Variants in MDGA2 observed in about 807,000 individuals in gnomAD.
MDGA2 encodes MAM domain-containing glycosylphosphatidylinositol anchor protein 2.
A neutral mutation model predicts 117.8 loss-of-function variants in MDGA2; 40 were observed. That is an observed-to-expected ratio of 0.34 (90% CI 0.26 to 0.44). MDGA2 has a LOEUF of 0.44. Ranked by LOEUF, MDGA2 falls within the 20% of genes least tolerant of loss-of-function variation. The probability of loss-of-function intolerance (pLI) is 1.00; values close to 1 mark genes in which losing one functional copy is unlikely to be tolerated. For missense variants in MDGA2, 1,123 were observed against 1,250.6 expected (o/e 0.90, Z 1.54); for synonymous variants, 452 against 439.0 (o/e 1.03, Z -0.37).
chr14:47,293,993 A>C (rs1888976018), intron 2 of MDGA2, among the ~76,000 whole-genome samples: 1 of 152,162 alleles, frequency 6.6e-6, no homozygotes, highest in Non-Finnish European at 1.5e-5. Context: ...CTATGCTAAT[A>C]CATTTATTCA....
At chr14:47,287,384 T>G (rs10483582) in intron 2 of MDGA2, among the ~76,000 whole-genome samples, 13,870 of 152,212 alleles carry the variant, frequency 0.091, 780 homozygotes, top group Non-Finnish European at 0.11. Flanking sequence ...ACCAGTCATA[T>G]TTATCATGTT....
At chr14:47,170,852 T>C (rs1884096690) in intron 3 of MDGA2, among the ~76,000 whole-genome samples, 1 of 152,178 alleles carries the variant, frequency 6.6e-6, no homozygotes, top group Non-Finnish European at 1.5e-5. Context: ...GAAAGTTGGC[T>C]AACCTAAAGA....
At chr14:47,091,303 A>G (rs760555656) in intron 6 of MDGA2, among the ~76,000 whole-genome samples, 2 of 152,172 alleles carry the variant, frequency 1.3e-5, no homozygotes, top group Non-Finnish European at 2.9e-5. Flanking sequence ...AGGCTCCAAG[A>G]CTACATCACT....
chr14:47,231,682 G>A (rs1886695685), intron 2 of MDGA2, among the ~76,000 whole-genome samples: 1 of 150,966 alleles, frequency 6.6e-6, no homozygotes, highest in Admixed American at 6.6e-5. Flanking sequence ...CACTACCTGG[G>A]TTTCTTGGAA....
chr14:46,915,632 G>C (rs1158785741), intron 10 of MDGA2, among the ~76,000 whole-genome samples: 1 of 152,132 alleles, frequency 6.6e-6, no homozygotes, highest in African/African-American at 2.4e-5. Flanking sequence ...TGAGGAAGGA[G>C]AAAAGCATCA....
At chr14:47,378,479 G>C (rs1001524596) in intron 1 of MDGA2, among the ~76,000 whole-genome samples, 2 of 152,140 alleles carry the variant, frequency 1.3e-5, no homozygotes, top group African/African-American at 2.4e-5. Context: ...AAAAAGATTA[G>C]ATGAATGGCT....
rs113835354 is a variant in MDGA2, at chr14:47,184,273, A to C, written c.595+33748T>G. ...TGTATTAGTGGTCAATATTTCCTTG[A>C]AAGCTAGTCAAGATGTATTTATTCA... On this transcript the variant is annotated intron_variant, in intron 3 of 16. Transcript: ENST00000399232. 1.4e-3 allele frequency among the ~76,000 whole-genome samples: 206 copies of C among 152,064 alleles called. 2 individuals are homozygous for C. In the Middle Eastern group the frequency reaches 0.024, roughly 18 times the overall value.
intron 10 of MDGA2, among the ~76,000 whole-genome samples, chr14:46,903,039 GAGC>G (rs1883349941): frequency 6.6e-6 from 1 of 152,214 alleles, no homozygotes; most frequent in Non-Finnish European, 1.5e-5. Context: ...CAGCAGGGAG[GAGC>G]TGCGCCTCTT....
In MDGA2 at chr14:46,975,454, C is replaced by T. The variant is rs552768582; in HGVS notation, c.1820-17811G>A. On this transcript the variant is annotated intron_variant, in intron 8 of 16. Coordinates refer to ENST00000399232, the MANE Select transcript of MDGA2 (RefSeq NM_001113498.3). Reference sequence around the variant, plus strand: ...TGGGATCAAAGCAAGTATTCATCAACAGATGAATGGATAAGCAAAATGAGG... The same window carrying T: ...TGGGATCAAAGCAAGTATTCATCAATAGATGAATGGATAAGCAAAATGAGG... Among the ~76,000 whole-genome samples the T allele has an allele frequency of 2.6e-5, 4 of 152,184 alleles. No individual in the cohort carries two copies. In the South Asian group the frequency reaches 8.3e-4, roughly 31 times the overall value.
chr14:47,497,760 G>C (rs1347778649), intron 1 of MDGA2, among the ~76,000 whole-genome samples: 1 of 152,056 alleles, frequency 6.6e-6, no homozygotes, highest in East Asian at 1.9e-4. Context: ...AAACATATTA[G>C]TGTGTAATTA....
intron 1 of MDGA2, among the ~76,000 whole-genome samples, chr14:47,320,915 T>C (rs1488198885): frequency 6.6e-6 from 1 of 152,136 alleles, no homozygotes; most frequent in Non-Finnish European, 1.5e-5. Context: ...AAAAACATTG[T>C]ACCCCAGATT....
intron 1 of MDGA2, among the ~76,000 whole-genome samples, chr14:47,545,634 A>G (rs888042848): frequency 5.3e-5 from 8 of 152,192 alleles, no homozygotes; most frequent in Non-Finnish European, 7.4e-5. Flanking sequence ...TTTATTCCCT[A>G]AAACACATTT....
chr14:47,499,722 T>C (rs989481187), intron 1 of MDGA2, among the ~76,000 whole-genome samples: 4 of 152,068 alleles, frequency 2.6e-5, no homozygotes, highest in Admixed American at 6.6e-5. Context: ...TTTTGATGAG[T>C]TGTTGTACTT....
chr14:47,613,458 A>ATCTC (rs746974129), intron 1 of MDGA2, among the ~76,000 whole-genome samples: 26 of 146,424 alleles, frequency 1.8e-4, no homozygotes, highest in African/African-American at 5.9e-4. Context: ...TACTTCATTT[A>ATCTC]TCTCTCTCTC....
At chr14:47,455,670 T>C (rs186940127) in intron 1 of MDGA2, among the ~76,000 whole-genome samples, 5 of 152,236 alleles carry the variant, frequency 3.3e-5, no homozygotes, top group East Asian at 1.9e-4. Flanking sequence ...TCAATACTTA[T>C]GAGTGAATGT....
At chr14:46,860,603 A>G (rs1881468538) in intron 14 of MDGA2, among the ~76,000 whole-genome samples, 1 of 151,990 alleles carries the variant, frequency 6.6e-6, no homozygotes. Context: ...AGGGTAAGAA[A>G]GAATCTCAAA....
chr14:47,664,183 A>C (rs561939354), intron 1 of MDGA2, among the ~76,000 whole-genome samples: 3 of 152,196 alleles, frequency 2.0e-5, no homozygotes, highest in Non-Finnish European at 2.9e-5. Context: ...ATACAATATC[A>C]AATTGCATTT....
chr14:47,503,558 C>T (rs935571485), intron 1 of MDGA2, among the ~76,000 whole-genome samples: 16 of 151,876 alleles, frequency 1.1e-4, no homozygotes, highest in African/African-American at 3.9e-4. Flanking sequence ...GCACCCGCCA[C>T]CACGCCCAGC....
At chr14:47,296,416 A>C (rs762446151) in intron 2 of MDGA2, among the ~76,000 whole-genome samples, 6 of 152,210 alleles carry the variant, frequency 3.9e-5, no homozygotes, top group Non-Finnish European at 8.8e-5. Context: ...AATTGAATTT[A>C]TTTACGTAGT....
Sources: allele counts gnomAD v4.1 joint callset (sites outside exome capture counted in the v4.1 genomes callset), GRCh38; gene constraint gnomAD v4.1.1; transcripts MANE v1.5; gene names NCBI Gene and HGNC (gene_info 2026-07-23, HGNC 2026-07-21).